ASXL2: variants seen among roughly 807,000 people sequenced by gnomAD.
ASXL2 encodes ASXL transcriptional regulator 2.
A neutral mutation model predicts 122.0 loss-of-function variants in ASXL2; 23 were observed. The observed-to-expected ratio is 0.19, with a 90% CI of 0.14 to 0.27. The LOEUF is 0.27. Ranked by LOEUF, ASXL2 falls within the 10% of genes least tolerant of loss-of-function variation. The pLI is 1.00. For synonymous variants in ASXL2, 650 were observed against 637.0 expected, an observed-to-expected ratio of 1.02 and a Z score of -0.31; for missense variants, 1,518 against 1,713.8, an observed-to-expected ratio of 0.89 and a Z score of 2.02.
chr2:25,878,419 T>G lies in ASXL2; in HGVS notation c.-197A>C, dbSNP rs1335068675. The G allele has an allele frequency of 5.0e-6, 3 of 601,384 alleles. No individual in the cohort carries two copies. Among genetic ancestry groups the G allele is most frequent in the Admixed American group, 3.0e-5 (1 of 33,522 alleles). The allele number at this position is 601,384 out of a possible 1,614,324, so 37.3% of individuals were successfully genotyped here. ...TCTATGGGGCGGCCGGTCCTCTTGC[T>G]GCCGTTGCCACTGCTACCGCCGCTG... On this transcript the variant is annotated 5_prime_UTR_variant, in exon 1 of 13. Coordinates refer to ENST00000435504, the MANE Select transcript of ASXL2 (RefSeq NM_018263.6).
rs368969988 is a variant in ASXL2 at position 25,743,499 on chromosome 2, G to T, written c.2838C>A (p.Ile946=). 26 of 1,613,802 alleles carry T rather than the reference G, an allele frequency of 1.6e-5. No homozygotes were observed. The highest frequency in any genetic ancestry group is 5.0e-5 in the Admixed American group (3 of 59,990). ...GAGTCACTAAAGGATTATTAGCAGG[G>T]ATACTAGAGGTTGGTCTTAAAGTGG... ...NGPTLRPTSS[I]PANNPLVTQL... The change falls in exon 13 of 13, where the codon ATC becomes ATA. Residue 946 remains isoleucine, a synonymous_variant. Transcript: ENST00000435504.
chr2:25,790,800 C>CTTTTT (rs35046164), intron 5 of ASXL2, among the ~76,000 whole-genome samples: 7 of 108,836 alleles, frequency 6.4e-5, no homozygotes, highest in African/African-American at 1.0e-4. Context: ...AGTTTTTTGT[C>CTTTTT]TTTTTTTTTT....
intron 2 of ASXL2, among the ~76,000 whole-genome samples, chr2:25,837,813 A>T (rs1304198506): frequency 6.6e-6 from 1 of 151,806 alleles, no homozygotes; most frequent in African/African-American, 2.4e-5. Flanking sequence ...TTAAAAAACA[A>T]AATAAAACAA....
At chr2:25,820,802 C>T (rs1454131808) in intron 3 of ASXL2, among the ~76,000 whole-genome samples, 1 of 151,972 alleles carries the variant, frequency 6.6e-6, no homozygotes, top group Admixed American at 6.6e-5. Context: ...GTGGGAGGAT[C>T]GCTTGAGCCC....
intron 5 of ASXL2, among the ~76,000 whole-genome samples, chr2:25,778,340 C>T (rs2088580468): frequency 6.6e-6 from 1 of 152,146 alleles, no homozygotes; most frequent in African/African-American, 2.4e-5. Flanking sequence ...GAGGCAGAGA[C>T]TGGAGTAATG....
rs1389008027 is a variant in ASXL2 at position 25,767,620 on chromosome 2, C to T, written c.738G>A (p.Gly246=). The T allele has an allele frequency of 6.2e-7, 1 of 1,613,928 alleles. No individual in the cohort carries two copies. Among genetic ancestry groups the T allele is most frequent in the Non-Finnish European group, 8.5e-7 (1 of 1,179,848 alleles). ...VKVENTLLGL[G]KKSFQRSERL... ...TCTCAGATCTCTGGAATGACTTCTT[C>T]CCCAAGCCTAGTAAAGTATTTTCCA... The change falls in exon 8 of 13, where the codon GGG becomes GGA. Residue 246 remains glycine, a synonymous_variant. Transcript: ENST00000435504.
chr2:25,765,128 A>G (rs1218631467), intron 8 of ASXL2, among the ~76,000 whole-genome samples: 1 of 152,228 alleles, frequency 6.6e-6, no homozygotes, highest in Admixed American at 6.5e-5. Context: ...AGTATTTTAT[A>G]TAAATTAGCT....
At position 25,735,043 on chromosome 2, in the gene ASXL2, T is replaced by C. The variant is rs368505435; in HGVS notation, c.*6986A>G. ...AAAATTCCCTTTAGGTTCTTTTGGGTTTGAAGAAGCACGAAAAGCAAGGTT... is the reference window on the plus strand; with the variant it reads ...AAAATTCCCTTTAGGTTCTTTTGGGCTTGAAGAAGCACGAAAAGCAAGGTT... On this transcript the variant is annotated 3_prime_UTR_variant, in exon 13 of 13. Transcript: ENST00000435504. 2.6e-5 allele frequency: 4 copies of C among 152,162 alleles called. No individual in the cohort carries two copies. Among genetic ancestry groups the C allele is most frequent in the African/African-American group, 9.6e-5 (4 of 41,452 alleles). The allele number at this position is 152,162 out of a possible 1,614,324, so 9.4% of individuals were successfully genotyped here.
At position 25,743,679 on chromosome 2, in the gene ASXL2, A is replaced by T; in HGVS notation, c.2658T>A (p.Pro886=). The change falls in exon 13 of 13, where the codon CCT becomes CCA. Residue 886 remains proline, a synonymous_variant. Coordinates refer to ENST00000435504, the MANE Select transcript of ASXL2 (RefSeq NM_018263.6). ...ASVPVAVTPS[P]LTSLLTTATL... ...TGGCTGTGGTCAATAAAGATGTTAA[A>T]GGGGAGGGAGTTACAGCCACTGGCA... 6.2e-7 allele frequency: 1 copy of T among 1,613,964 alleles called. No homozygotes were observed. Among genetic ancestry groups the T allele is most frequent in the Non-Finnish European group, 8.5e-7 (1 of 1,179,870 alleles).
intron 5 of ASXL2, among the ~76,000 whole-genome samples, chr2:25,791,556 A>AC (rs1414107192): frequency 6.6e-6 from 1 of 151,696 alleles, no homozygotes; most frequent in Non-Finnish European, 1.5e-5. Context: ...CTAAAGGTTA[A>AC]CCATATGATC....
chr2:25,826,007 A>C (rs552830744), intron 3 of ASXL2, among the ~76,000 whole-genome samples: 1 of 152,294 alleles, frequency 6.6e-6, no homozygotes, highest in South Asian at 2.1e-4. Flanking sequence ...CTAAACAGGT[A>C]ATCACCCAAT....
intron 8 of ASXL2, among the ~76,000 whole-genome samples, chr2:25,765,113 T>C (rs1265163359): frequency 6.6e-6 from 1 of 152,202 alleles, no homozygotes; most frequent in Non-Finnish European, 1.5e-5. Flanking sequence ...CAATGTCAGC[T>C]AGAAAGTATT....
At chr2:25,763,606 T>G (rs927927070) in intron 8 of ASXL2, among the ~76,000 whole-genome samples, 8 of 151,782 alleles carry the variant, frequency 5.3e-5, no homozygotes, top group African/African-American at 1.9e-4. Context: ...AAAAAGGAGG[T>G]CTCAGTAAAT....
intron 5 of ASXL2, among the ~76,000 whole-genome samples, chr2:25,796,373 G>A (rs2088910968): frequency 6.6e-6 from 1 of 152,176 alleles, no homozygotes; most frequent in Non-Finnish European, 1.5e-5. Context: ...GTCAGTCCTT[G>A]TAAAGGAATC....
chr2:25,805,876 T>C (rs1283511429), intron 4 of ASXL2, among the ~76,000 whole-genome samples: 2 of 152,096 alleles, frequency 1.3e-5, no homozygotes, highest in East Asian at 1.9e-4. Flanking sequence ...GGGGTTTCAC[T>C]GTGTTGCCCA....
At chr2:25,846,430 T>C (rs560065221) in intron 1 of ASXL2, among the ~76,000 whole-genome samples, 125 of 152,184 alleles carry the variant, frequency 8.2e-4, no homozygotes, top group African/African-American at 2.9e-3. Flanking sequence ...CAGATGACTC[T>C]TGAGGTCAGG....
chr2:25,815,653 G>A (rs774764971), intron 3 of ASXL2, among the ~76,000 whole-genome samples: 2 of 152,108 alleles, frequency 1.3e-5, no homozygotes, highest in Admixed American at 6.5e-5. Context: ...TAAGGCCTGT[G>A]AGCAGTCATC....
At chr2:25,745,262 G>C (rs2087922211) in intron 12 of ASXL2, among the ~76,000 whole-genome samples, 1 of 150,754 alleles carries the variant, frequency 6.6e-6, no homozygotes, top group Admixed American at 6.6e-5. Context: ...TCCCAGGCTG[G>C]AGTGTAGTGG....
chr2:25,858,764 T>A (rs941491209), intron 1 of ASXL2, among the ~76,000 whole-genome samples: 2 of 148,320 alleles, frequency 1.3e-5, no homozygotes, highest in Admixed American at 1.3e-4. Flanking sequence ...GGGAAATTGA[T>A]AAAGGGAAGA....
Sources: allele counts gnomAD v4.1 joint callset (sites outside exome capture counted in the v4.1 genomes callset), GRCh38; gene constraint gnomAD v4.1.1; transcripts MANE v1.5; gene names NCBI Gene and HGNC (gene_info 2026-07-23, HGNC 2026-07-21).